The following ACTN3 variants were observed in gnomAD, a reference collection of about 807,000 sequenced individuals.
ACTN3 encodes the protein actinin alpha 3, also known as alpha-actinin-3.
ACTN3 carries 91 observed loss-of-function variants against 119.6 expected under a neutral mutation model. The ratio of observed to expected loss-of-function variants is 0.76; its 90% CI spans 0.64 to 0.91. The LOEUF (loss-of-function observed/expected upper bound fraction) is 0.91. Among genes scored for constraint, ACTN3 ranks in the 40% least tolerant of loss-of-function variants. ACTN3 has a pLI of 0.00. For synonymous variants in ACTN3, 456 were observed against 478.8 expected, an observed-to-expected ratio of 0.95 and a Z score of 0.62; for missense variants, 1,221 against 1,215.1, an observed-to-expected ratio of 1.00 and a Z score of -0.07.
chr11:66,554,704 G>A (rs1414812043), intron 5 of ACTN3, 81 bp downstream of exon 5: 2 of 1,160,368 alleles, frequency 1.7e-6, no homozygotes, highest in Admixed American at 2.4e-5. Context: ...GTCAGTGAAG[G>A]GCACTGAGCT....
intron 13 of ACTN3, 33 bp downstream of exon 13, chr11:66,560,109 G>GGGT: frequency 9.5e-7 from 1 of 1,048,678 alleles, no homozygotes; most frequent in Admixed American, 2.3e-5. Context: ...TGGGGGGTGG[G>GGGT]TAGGTGGGTG....
chr11:66,549,941 C>A (rs1399060530), intron 1 of ACTN3, among the ~76,000 whole-genome samples: 1 of 152,110 alleles, frequency 6.6e-6, no homozygotes, highest in African/African-American at 2.4e-5. Context: ...CACTCCCTTT[C>A]CTTAGCAATG....
rs1215838008 is a variant in ACTN3, at chr11:66,559,340, C to A, written c.1381C>A (p.His461Asn). 3.2e-6 allele frequency: 5 copies of A among 1,574,412 alleles called. No individual in the cohort carries two copies. In the Admixed American group the frequency reaches 7.3e-5, roughly 23 times the overall value. The change falls in exon 12 of 21, where the codon CAC (histidine) becomes AAC (asparagine). Residue 461 changes from histidine (H) to asparagine (N), a missense_variant. This residue lies in a region of ACTN3 where 934 missense variants were observed against 899.9 expected (regional missense o/e 1.04). Coordinates refer to ENST00000513398, the MANE Select transcript of ACTN3 (RefSeq NM_001104.4). The stretch of plus-strand genomic sequence containing the variant: ...GGCCTTTGAGAGCGACCTGGCGGCG[C>A]ACCAGGACCGCGTGGAGCACATTGC... ...HEAFESDLAA[H>N]QDRVEHIAAL...
chr11:66,552,062 C>T lies in ACTN3; in HGVS notation c.382+415C>T, dbSNP rs535942744. Among the ~76,000 whole-genome samples, 30 of 148,074 alleles carry T rather than the reference C, an allele frequency of 2.0e-4. 2 individuals are homozygous for T. The South Asian group carries it at 5.8e-3, about 28-fold the overall frequency. On this transcript the variant is annotated intron_variant, in intron 3 of 20. Coordinates refer to ENST00000513398, the MANE Select transcript of ACTN3 (RefSeq NM_001104.4). Reference sequence around the variant, plus strand: ...CTGCACTCCAGCCTGAGCAACAGAGCGAGAGACTCTGTCTGAAAGAAAAAA... The same window carrying T: ...CTGCACTCCAGCCTGAGCAACAGAGTGAGAGACTCTGTCTGAAAGAAAAAA...
intron 15 of ACTN3, 91 bp from the exon 16 acceptor site, chr11:66,561,134 CAG>C: frequency 7.0e-7 from 1 of 1,432,170 alleles, no homozygotes; most frequent in South Asian, 1.5e-5. Context: ...CTCAAAGCAA[CAG>C]GGGCTGAGGT....
At chr11:66,548,876 A>G (rs1275412359) in intron 1 of ACTN3, among the ~76,000 whole-genome samples, 1 of 151,928 alleles carries the variant, frequency 6.6e-6, no homozygotes, top group Non-Finnish European at 1.5e-5. Context: ...CTTGTCCCCC[A>G]CACTGACACC....
intron 1 of ACTN3, among the ~76,000 whole-genome samples, chr11:66,549,459 T>G (rs561853119): frequency 7.9e-5 from 12 of 151,790 alleles, no homozygotes; most frequent in Non-Finnish European, 1.8e-4. Flanking sequence ...GGGCTGGGAG[T>G]GGTGGCTCAT....
intron 11 of ACTN3, 115 bp from the exon 12 acceptor site, chr11:66,559,121 A>G (rs2134935309): frequency 8.5e-7 from 1 of 1,171,396 alleles, no homozygotes; most frequent in South Asian, 2.3e-5. Flanking sequence ...CCCTAGGACG[A>G]GCTAGGCCGG....
intron 8 of ACTN3, 146 bp from the exon 9 acceptor site, chr11:66,556,987 T>G (rs1857603418): frequency 1.6e-6 from 1 of 618,414 alleles, no homozygotes; most frequent in African/African-American, 1.9e-5. Context: ...GGTTTCGATC[T>G]CCTGACCTCG....
chr11:66,549,732 CAAAAAAAAA>C (rs61393902), intron 1 of ACTN3, among the ~76,000 whole-genome samples: 2 of 43,028 alleles, frequency 4.6e-5, no homozygotes, highest in African/African-American at 2.0e-4. Flanking sequence ...ACTCTGTCTC[CAAAAAAAAA>C]AAAAAAAAAA....
chr11:66,554,114 A>G lies in ACTN3; in HGVS notation c.452A>G (p.Gln151Arg), dbSNP rs1857535388. 1 of 1,613,802 alleles carries G rather than the reference A, an allele frequency of 6.2e-7. No individual in the cohort carries two copies. The highest frequency in any genetic ancestry group is 8.5e-7 in the Non-Finnish European group (1 of 1,179,948). Residue 151 changes from glutamine (Q) to arginine (R), a missense_variant, in exon 4 of 21, where the codon CAG (glutamine) becomes CGG (arginine). Transcript: ENST00000513398. ...ACCATCATCCTTCGCTTCGCCATCC[A>G]GGACATCTCTGTGGAAGGTGAGCAA... The part of the protein sequence containing the change: ...IWTIILRFAI[Q>R]DISVEETSAK...
rs765424415 is a variant in ACTN3 at position 66,551,584 on chromosome 11, G to A, written c.319G>A (p.Val107Ile). Residue 107 changes from valine to isoleucine, a missense_variant, in exon 3 of 21, where the codon GTT becomes ATT. Coordinates refer to ENST00000513398, the MANE Select transcript of ACTN3 (RefSeq NM_001104.4). ...GATGCGCTTCCACAAAATCGCCAAC[G>A]TTAACAAGGCCCTGGACTTCATTGC... ...GKMRFHKIAN[V>I]NKALDFIASK... The A allele has an allele frequency of 3.2e-5, 52 of 1,613,998 alleles. No homozygotes were observed. The highest frequency in any genetic ancestry group is 7.7e-5 in the South Asian group (7 of 91,082).
rs200951999 is a variant in ACTN3 at position 66,559,261 on chromosome 11, C to T, written c.1302C>T (p.Arg434=). The change falls in exon 12 of 21, where the codon CGC becomes CGT. Residue 434 remains arginine (R), a synonymous_variant. Transcript: ENST00000513398. ...TRGKEEMLSQ[R]DYDSALLQEV... ...GAAAGGAGGAGATGCTGAGCCAGCG[C>T]GACTACGATTCGGCTTTGCTACAGG... The T allele has an allele frequency of 3.2e-5, 50 of 1,560,944 alleles. No individual in the cohort carries two copies. The highest frequency in any genetic ancestry group is 4.2e-5 in the Non-Finnish European group (48 of 1,155,706).
chr11:66,560,129 C>A, intron 13 of ACTN3, 42 bp from the exon 14 acceptor site: 1 of 1,557,534 alleles, frequency 6.4e-7, no homozygotes, highest in South Asian at 1.2e-5. Flanking sequence ...GAGGCCAGGT[C>A]TGCAGGGCAG....
At chr11:66,555,106 G>C in intron 5 of ACTN3, 24 bp from the exon 6 acceptor site, 1 of 1,612,532 alleles carries the variant, frequency 6.2e-7, no homozygotes, top group Non-Finnish European at 8.5e-7. Flanking sequence ...ACCCAGGCCT[G>C]ACCCCCCTCT....
At chr11:66,551,111 C>T in intron 1 of ACTN3, 128 bp from the exon 2 acceptor site, 2 of 751,180 alleles carry the variant, frequency 2.7e-6, no homozygotes, top group South Asian at 1.5e-5. Flanking sequence ...AAGTCAGTGG[C>T]TGAGCTGAGC....
At chr11:66,549,780 C>A (rs1382473504) in intron 1 of ACTN3, among the ~76,000 whole-genome samples, 2 of 146,938 alleles carry the variant, frequency 1.4e-5, no homozygotes, top group Non-Finnish European at 3.0e-5. Context: ...ACCACCCAGA[C>A]CTGCCTATCC....
intron 12 of ACTN3, 72 bp downstream of exon 12, chr11:66,559,458 C>T: frequency 1.5e-6 from 2 of 1,335,502 alleles, no homozygotes; most frequent in South Asian, 3.4e-5. Context: ...CCACCCTGAT[C>T]CCCATTGCCC....
At chr11:66,561,950 C>G (rs1231196024) in intron 17 of ACTN3, 72 bp from the exon 18 acceptor site, 2 of 1,532,744 alleles carry the variant, frequency 1.3e-6, no homozygotes, top group Non-Finnish European at 1.8e-6. Context: ...ATTCAGTGAA[C>G]TGGATGTGGA....
Sources: gnomAD v4.1 joint callset for allele counts (sites outside exome capture counted in the v4.1 genomes callset) on GRCh38, gnomAD v4.1.1 for gene constraint, gnomAD v4.1.1 regional missense constraint, MANE v1.5 for transcripts, NCBI Gene and HGNC (gene_info 2026-07-23, HGNC 2026-07-21) for gene names.